The following RPS6KA5 variants were observed in gnomAD, a reference collection of about 807,000 sequenced individuals.
The protein encoded by RPS6KA5 is ribosomal protein S6 kinase A5, also known as ribosomal protein S6 kinase alpha-5.
A neutral mutation model predicts 85.5 loss-of-function variants in RPS6KA5; 27 were observed. The observed-to-expected ratio is 0.32, with a 90% CI of 0.23 to 0.44. The LOEUF is 0.44. RPS6KA5 is among the 20% of genes least tolerant of loss of function. The pLI is 1.00. For synonymous variants in RPS6KA5, 334 were observed against 348.2 expected (o/e 0.96, Z 0.46); for missense variants, 811 against 980.9 (o/e 0.83, Z 2.31).
At position 90,848,849 on chromosome 14, in the gene RPS6KA5, T is replaced by C. The variant is rs1007581087; in HGVS notation, c.*23225A>G. 3.3e-5 allele frequency: 5 copies of C among 152,130 alleles called. No homozygotes were observed. The highest frequency in any genetic ancestry group is 4.1e-4 in the South Asian group (2 of 4,830). The allele number at this position is 152,130 out of a possible 1,614,324, so 9.4% of individuals were successfully genotyped here. A position where few individuals can be genotyped will look rare whatever the true frequency, so the allele number is the denominator to read the frequency against. ...AAGCAAATCCTATCTATGGACTTCA[T>C]AGAATCCCTTATACTTTGTAACATT... On this transcript the variant is annotated 3_prime_UTR_variant, in exon 17 of 17. Coordinates refer to ENST00000614987, the MANE Select transcript of RPS6KA5 (RefSeq NM_004755.4).
chr14:91,060,234 C>A (rs953128838), intron 1 of RPS6KA5, 98 bp downstream of exon 1: 6 of 965,110 alleles, frequency 6.2e-6, no homozygotes, highest in African/African-American at 1.8e-5. Context: ...TCCGCGCCCA[C>A]GGCTGCGGCC....
At chr14:90,984,533 A>G (rs948217030) in intron 2 of RPS6KA5, among the ~76,000 whole-genome samples, 1 of 152,256 alleles carries the variant, frequency 6.6e-6, no homozygotes, top group Non-Finnish European at 1.5e-5. Context: ...TTATAATTCT[A>G]TTCTACCTGA....
intron 13 of RPS6KA5, 109 bp from the exon 14 acceptor site, chr14:90,890,787 G>A: frequency 2.1e-6 from 2 of 964,648 alleles, no homozygotes; most frequent in Non-Finnish European, 3.1e-6. Context: ...TGTGCAGAGA[G>A]GTCTCATGGG....
At chr14:90,914,870 C>T (rs931225146) in intron 7 of RPS6KA5, among the ~76,000 whole-genome samples, 4 of 152,032 alleles carry the variant, frequency 2.6e-5, no homozygotes, top group Admixed American at 6.5e-5. Context: ...CTCGTGTAGA[C>T]GAATGTGTAG....
intron 1 of RPS6KA5, among the ~76,000 whole-genome samples, chr14:91,031,967 T>C (rs1595514705): frequency 6.6e-6 from 1 of 152,208 alleles, no homozygotes; most frequent in East Asian, 1.9e-4. Flanking sequence ...AGTATTTATA[T>C]GGATCGTTTT....
chr14:90,892,667 G>C (rs1182848820), intron 13 of RPS6KA5, among the ~76,000 whole-genome samples: 6 of 152,224 alleles, frequency 3.9e-5, no homozygotes, highest in African/African-American at 1.4e-4. Context: ...CTAGACTTAG[G>C]ATTCTGCCTA....
In RPS6KA5 at chr14:90,863,302, C is replaced by CAAAAAAAAAAAAAAAAAAAAAA. The variant is rs61230626; in HGVS notation, c.*8750_*8771dup. The CAAAAAAAAAAAAAAAAAAAAAA allele has an allele frequency of 4.0e-5, 1 of 24,794 alleles. No individual in the cohort carries two copies. The highest frequency in any genetic ancestry group is 8.7e-5 in the Non-Finnish European group (1 of 11,454). 1.5% of individuals were successfully genotyped at this position (24,794 alleles called of 1,614,324 possible). A position where few individuals can be genotyped will look rare whatever the true frequency, so the allele number is the denominator to read the frequency against. ...TGGGTGGCAGAGCGAGACTCCGTCT[C>CAAAAAAAAAAAAAAAAAAAAAA]AAAAAAAAAAAAAAAAAAAAAAAAA... On this transcript the variant is annotated 3_prime_UTR_variant, in exon 17 of 17. Transcript: ENST00000614987.
At chr14:90,876,435 T>C (rs2033482770) in intron 14 of RPS6KA5, among the ~76,000 whole-genome samples, 1 of 152,244 alleles carries the variant, frequency 6.6e-6, no homozygotes, top group Non-Finnish European at 1.5e-5. Flanking sequence ...GCCACCTGTT[T>C]TCATTGTAGC....
intron 7 of RPS6KA5, among the ~76,000 whole-genome samples, chr14:90,915,952 T>C (rs553405718): frequency 2.6e-4 from 40 of 152,164 alleles, no homozygotes; most frequent in African/African-American, 9.4e-4. Flanking sequence ...CAATCAATAA[T>C]ACTGATAATT....
rs1187714869 is a variant in RPS6KA5 at position 90,899,382 on chromosome 14, G to A, written c.1420C>T (p.Leu474Phe). Reference sequence around the variant, plus strand: ...ACAATATTGGGGTGTCCTTCACAGAGTTTCAGAGCTGTTATTTCCTTTTGA... The same window carrying A: ...ACAATATTGGGGTGTCCTTCACAGAATTTCAGAGCTGTTATTTCCTTTTGA... ...NTQKEITALK[L>F]CEGHPNIVKL... The change falls in exon 12 of 17, where the codon CTC (leucine) becomes TTC (phenylalanine). Residue 474 changes from leucine to phenylalanine, a missense_variant. Transcript: ENST00000614987. The A allele has an allele frequency of 1.9e-6, 3 of 1,613,012 alleles. No individual in the cohort carries two copies. Among genetic ancestry groups the A allele is most frequent in the Non-Finnish European group, 2.5e-6 (3 of 1,179,698 alleles).
chr14:91,023,968 AT>A (rs2041893829), intron 1 of RPS6KA5, among the ~76,000 whole-genome samples: 1 of 152,176 alleles, frequency 6.6e-6, no homozygotes, highest in South Asian at 2.1e-4. Context: ...GTCTTCTTTT[AT>A]TCTCAGAATT....
intron 1 of RPS6KA5, among the ~76,000 whole-genome samples, chr14:91,044,388 AGAAG>A (rs879520214): frequency 0.26 from 8,229 of 31,558 alleles, 457 homozygotes; most frequent in Middle Eastern, 0.32. Context: ...AAAGAAAGAA[AGAAG>A]GAAAGAAAGA....
intron 1 of RPS6KA5, among the ~76,000 whole-genome samples, chr14:91,047,456 C>T (rs2042921365): frequency 1.3e-5 from 2 of 152,260 alleles, no homozygotes; most frequent in South Asian, 4.1e-4. Context: ...GGAATGTCTC[C>T]CTGCAGATTC....
In RPS6KA5 at chr14:90,871,975, G is replaced by T; in HGVS notation, c.*99C>A. The stretch of plus-strand genomic sequence containing the variant: ...AAATCATTAGGAGGCAGATTCCAAT[G>T]AGACCAACGGGAAACATTTTTAAAA... On this transcript the variant is annotated 3_prime_UTR_variant, in exon 17 of 17. Transcript: ENST00000614987. The T allele has an allele frequency of 6.8e-7, 1 of 1,461,846 alleles. No homozygotes were observed. The highest frequency in any genetic ancestry group is 9.2e-7 in the Non-Finnish European group (1 of 1,087,912). 90.6% of individuals were successfully genotyped at this position (1,461,846 alleles called of 1,614,324 possible).
At position 90,953,107 on chromosome 14, in the gene RPS6KA5, G is replaced by A. The variant is rs550290709; in HGVS notation, c.395-5557C>T. On this transcript the variant is annotated intron_variant, in intron 3 of 16. Coordinates refer to ENST00000614987, the MANE Select transcript of RPS6KA5 (RefSeq NM_004755.4). ...ATAAAAAGAAAGGGAGAGATGTTGC[G>A]AGAAATCAGGGACCCCGAATGGAGG... Among the ~76,000 whole-genome samples the A allele has an allele frequency of 1.6e-4, 24 of 152,294 alleles. 1 individual carries two copies. The South Asian group carries it at 3.3e-3, about 21-fold the overall frequency.
chr14:90,894,724 A>G (rs2034743634), intron 12 of RPS6KA5, 141 bp from the exon 13 acceptor site: 2 of 1,044,484 alleles, frequency 1.9e-6, no homozygotes, highest in Non-Finnish European at 2.7e-6. Flanking sequence ...CTCATATCTT[A>G]GAGAAAAGGG....
chr14:90,989,246 C>T (rs1350978212), intron 2 of RPS6KA5, among the ~76,000 whole-genome samples: 1 of 152,008 alleles, frequency 6.6e-6, no homozygotes, highest in South Asian at 2.1e-4. Context: ...GGGACTTGGG[C>T]TCACAGAGTT....
intron 5 of RPS6KA5, among the ~76,000 whole-genome samples, chr14:90,935,507 A>C (rs1426774558): frequency 6.6e-6 from 1 of 152,208 alleles, no homozygotes; most frequent in Non-Finnish European, 1.5e-5. Flanking sequence ...GATGAAATTA[A>C]GACTCAGAGA....
At chr14:91,057,073 G>C (rs1382109765) in intron 1 of RPS6KA5, among the ~76,000 whole-genome samples, 1 of 151,232 alleles carries the variant, frequency 6.6e-6, no homozygotes, top group East Asian at 1.9e-4. Flanking sequence ...TAGAGATGGG[G>C]TTTCACCAGG....
Sources: gnomAD v4.1 joint callset for allele counts (sites outside exome capture counted in the v4.1 genomes callset) on GRCh38, gnomAD v4.1.1 for gene constraint, MANE v1.5 for transcripts, NCBI Gene and HGNC (gene_info 2026-07-23, HGNC 2026-07-21) for gene names.